The following PRKCE variants were observed in gnomAD, a reference collection of about 807,000 sequenced individuals.
PRKCE encodes protein kinase C epsilon.
A neutral mutation model predicts 85.4 loss-of-function variants in PRKCE; 16 were observed. The ratio of observed to expected loss-of-function variants is 0.19; its 90% CI spans 0.13 to 0.28. PRKCE has a LOEUF of 0.28. Among genes scored for constraint, PRKCE ranks in the 10% least tolerant of loss-of-function variants. The pLI, the probability that PRKCE is intolerant of heterozygous loss-of-function variation, is 1.00. For missense variants in PRKCE, 573 were observed against 975.2 expected (o/e 0.59, Z 5.49); for synonymous variants, 388 against 371.5 (o/e 1.04, Z -0.51).
intron 1 of PRKCE, among the ~76,000 whole-genome samples, chr2:45,736,844 A>G (rs927881943): frequency 5.3e-5 from 8 of 152,224 alleles, no homozygotes; most frequent in Non-Finnish European, 1.0e-4. Flanking sequence ...CTGCATCCTC[A>G]GAGGCTTCAG....
chr2:45,809,616 G>A lies in PRKCE; in HGVS notation c.349-33384G>A, dbSNP rs1688505855. Among the ~76,000 whole-genome samples, 3 of 151,916 alleles carry A rather than the reference G, an allele frequency of 2.0e-5. No individual in the cohort carries two copies. In the South Asian group the frequency reaches 6.3e-4, roughly 32 times the overall value. On this transcript the variant is annotated intron_variant, in intron 1 of 14. Coordinates refer to ENST00000306156, the MANE Select transcript of PRKCE (RefSeq NM_005400.3). The stretch of plus-strand genomic sequence containing the variant: ...AGTCTGGGTACGGTCGGGCACGGTG[G>A]CTCATGCCTGTAATCCCAGCCCTTC...
intron 1 of PRKCE, among the ~76,000 whole-genome samples, chr2:45,815,652 A>T (rs2105296090): frequency 6.6e-6 from 1 of 152,280 alleles, no homozygotes; most frequent in South Asian, 2.1e-4. Flanking sequence ...TTGTAGCCAG[A>T]CTCCATGCAG....
chr2:45,914,668 A>G (rs1697629181), intron 2 of PRKCE, among the ~76,000 whole-genome samples: 1 of 152,192 alleles, frequency 6.6e-6, no homozygotes, highest in African/African-American at 2.4e-5. Flanking sequence ...TACACATGTT[A>G]AAGTCAATGA....
intron 7 of PRKCE, among the ~76,000 whole-genome samples, chr2:46,003,482 A>G (rs61758274): frequency 2.0e-3 from 306 of 152,390 alleles, no homozygotes; most frequent in African/African-American, 6.9e-3. Context: ...TTTATTGAGC[A>G]TCTATTATGT....
intron 2 of PRKCE, among the ~76,000 whole-genome samples, chr2:45,881,790 T>C (rs564730939): frequency 2.6e-5 from 4 of 152,288 alleles, no homozygotes; most frequent in Admixed American, 1.3e-4. Flanking sequence ...AATCTTACTC[T>C]TTACTATTGA....
At chr2:45,938,810 C>T (rs1405669018) in intron 2 of PRKCE, among the ~76,000 whole-genome samples, 1 of 152,226 alleles carries the variant, frequency 6.6e-6, no homozygotes, top group Non-Finnish European at 1.5e-5. Context: ...ATCTACAGTT[C>T]TCTCAAACAT....
intron 1 of PRKCE, among the ~76,000 whole-genome samples, chr2:45,832,209 G>A (rs1024053283): frequency 6.6e-6 from 1 of 152,194 alleles, no homozygotes; most frequent in African/African-American, 2.4e-5. Context: ...CATTGTCTGA[G>A]CCTCTCGGCT....
At chr2:45,879,619 T>C (rs917346587) in intron 2 of PRKCE, among the ~76,000 whole-genome samples, 1 of 152,184 alleles carries the variant, frequency 6.6e-6, no homozygotes. Flanking sequence ...GGAGTTTTGC[T>C]CCTGCTGGCA....
At chr2:45,757,496 GTC>G (rs1303198767) in intron 1 of PRKCE, among the ~76,000 whole-genome samples, 3 of 151,750 alleles carry the variant, frequency 2.0e-5, no homozygotes, top group Non-Finnish European at 2.9e-5. Context: ...GTGAGACTGT[GTC>G]TCTACAAAAA....
chr2:45,729,063 G>C (rs536057366), intron 1 of PRKCE, among the ~76,000 whole-genome samples: 1 of 152,218 alleles, frequency 6.6e-6, no homozygotes, highest in South Asian at 2.1e-4. Flanking sequence ...CTCTCAACTT[G>C]CCAAGGTAGG....
chr2:46,168,696 A>T (rs1322623479), intron 14 of PRKCE, among the ~76,000 whole-genome samples: 2 of 152,208 alleles, frequency 1.3e-5, no homozygotes, highest in Non-Finnish European at 2.9e-5. Context: ...GTAGGGTAAA[A>T]TCCGGCACCT....
chr2:45,832,570 C>T (rs760291932), intron 1 of PRKCE, among the ~76,000 whole-genome samples: 1 of 152,124 alleles, frequency 6.6e-6, no homozygotes, highest in African/African-American at 2.4e-5. Flanking sequence ...CTCAGCCTCC[C>T]AAAGTGCTGG....
At chr2:46,121,619 A>G (rs113552068) in intron 11 of PRKCE, among the ~76,000 whole-genome samples, 2 of 152,320 alleles carry the variant, frequency 1.3e-5, no homozygotes, top group African/African-American at 4.8e-5. Flanking sequence ...ATATTGACCA[A>G]TTGGTGGATG....
chr2:45,932,424 C>A (rs1699113126), intron 2 of PRKCE, among the ~76,000 whole-genome samples: 1 of 152,078 alleles, frequency 6.6e-6, no homozygotes, highest in Non-Finnish European at 1.5e-5. Context: ...TGAGTGCATA[C>A]CTAGGAGTAG....
intron 1 of PRKCE, among the ~76,000 whole-genome samples, chr2:45,698,389 C>G (rs564657009): frequency 2.6e-5 from 4 of 151,984 alleles, no homozygotes; most frequent in African/African-American, 9.7e-5. Flanking sequence ...AAGGGAAGGG[C>G]TATTTAGAGG....
intron 1 of PRKCE, among the ~76,000 whole-genome samples, chr2:45,666,168 T>C (rs1675901576): frequency 6.6e-6 from 1 of 152,196 alleles, no homozygotes; most frequent in African/African-American, 2.4e-5. Context: ...AAATATTTCC[T>C]TCGTTTTAGA....
At chr2:46,129,394 G>C (rs1173946463) in intron 11 of PRKCE, among the ~76,000 whole-genome samples, 1 of 152,136 alleles carries the variant, frequency 6.6e-6, no homozygotes, top group South Asian at 2.1e-4. Flanking sequence ...CAGCATGTAC[G>C]TTCACAGCAC....
intron 6 of PRKCE, among the ~76,000 whole-genome samples, chr2:45,987,086 A>C (rs989666189): frequency 6.6e-6 from 1 of 151,894 alleles, no homozygotes; most frequent in Admixed American, 6.6e-5. Context: ...CTAAATGAAG[A>C]TACTATCATC....
chr2:46,109,606 T>A (rs1672067603), intron 11 of PRKCE, among the ~76,000 whole-genome samples: 1 of 152,176 alleles, frequency 6.6e-6, no homozygotes, highest in Non-Finnish European at 1.5e-5. Context: ...TTTTTGTCGA[T>A]GATTTTGGAT....
Sources: gnomAD v4.1 joint callset for allele counts (sites outside exome capture counted in the v4.1 genomes callset) on GRCh38, gnomAD v4.1.1 for gene constraint, MANE v1.5 for transcripts, NCBI Gene and HGNC (gene_info 2026-07-23, HGNC 2026-07-21) for gene names.